The following NCKAP5 variants were observed in gnomAD, a reference collection of about 807,000 sequenced individuals.
NCKAP5 encodes the protein NCK associated protein 5.
In NCKAP5, 92 loss-of-function variants were observed where a neutral mutation model predicts 167.0. That is an observed-to-expected ratio of 0.55 (90% confidence interval 0.47 to 0.66). NCKAP5 has a LOEUF of 0.66. Ranked by LOEUF, NCKAP5 falls within the 30% of genes least tolerant of loss-of-function variation. The probability of loss-of-function intolerance (pLI) is 0.00; values close to 1 mark genes in which losing one functional copy is unlikely to be tolerated. For synonymous variants in NCKAP5, 891 were observed against 877.4 expected (o/e 1.02, Z -0.27); for missense variants, 2,378 against 2,315.0 (o/e 1.03, Z -0.56).
At chr2:133,239,277 C>A (rs1038098523) in intron 4 of NCKAP5, among the ~76,000 whole-genome samples, 15 of 152,160 alleles carry the variant, frequency 9.9e-5, no homozygotes, top group African/African-American at 3.6e-4. Context: ...CCCACTAATA[C>A]AATTTCAGTG....
intron 8 of NCKAP5, among the ~76,000 whole-genome samples, chr2:132,924,169 G>T (rs1695664672): frequency 6.6e-6 from 1 of 152,154 alleles, no homozygotes; most frequent in Admixed American, 6.5e-5. Context: ...AAAATGCTAT[G>T]CTACAGAAGA....
At position 133,514,550 on chromosome 2, in the gene NCKAP5, TA is replaced by T. The variant is rs373597183; in HGVS notation, c.69+2907del. On this transcript the variant is annotated intron_variant, in intron 3 of 19. Coordinates refer to ENST00000409261, the MANE Select transcript of NCKAP5 (RefSeq NM_207363.3). Reference sequence around the variant, plus strand: ...ACTTCAATGATTTGATTATATAAAATAAAAAGTGTAATGAAGTTAATAGCAC... The same window carrying T: ...ACTTCAATGATTTGATTATATAAAATAAAAGTGTAATGAAGTTAATAGCAC... Among the ~76,000 whole-genome samples, 522 of 152,278 alleles carry T rather than the reference TA, an allele frequency of 3.4e-3. 1 individual carries two copies. Among genetic ancestry groups the T allele is most frequent in the African/African-American group, 0.012 (490 of 41,554 alleles).
At chr2:132,786,687 C>T (rs974447085) in intron 13 of NCKAP5, among the ~76,000 whole-genome samples, 1 of 152,108 alleles carries the variant, frequency 6.6e-6, no homozygotes, top group African/African-American at 2.4e-5. Context: ...TTTACTGAGC[C>T]TCTGCTGTAC....
chr2:133,158,341 A>C (rs2083654224), intron 5 of NCKAP5, among the ~76,000 whole-genome samples: 1 of 152,204 alleles, frequency 6.6e-6, no homozygotes, highest in South Asian at 2.1e-4. Context: ...TGTTAGGGGA[A>C]ATCCAAGATA....
intron 3 of NCKAP5, among the ~76,000 whole-genome samples, chr2:133,512,115 AC>A (rs1403667886): frequency 6.6e-6 from 1 of 152,166 alleles, no homozygotes; most frequent in African/African-American, 2.4e-5. Context: ...AGTATTCATA[AC>A]CCACTAGCTG....
intron 6 of NCKAP5, among the ~76,000 whole-genome samples, chr2:133,005,366 G>T (rs541004122): frequency 2.4e-4 from 36 of 152,082 alleles, no homozygotes; most frequent in Non-Finnish European, 4.3e-4. Flanking sequence ...TGCTTCAGCT[G>T]GTCCCTCCAT....
intron 6 of NCKAP5, among the ~76,000 whole-genome samples, chr2:133,115,458 C>A (rs1240051923): frequency 6.6e-6 from 1 of 152,082 alleles, no homozygotes; most frequent in Non-Finnish European, 1.5e-5. Context: ...TGCCATCAAT[C>A]ACAATTGCAG....
At chr2:133,330,244 AT>A (rs765058418) in intron 3 of NCKAP5, among the ~76,000 whole-genome samples, 3,171 of 88,088 alleles carry the variant, frequency 0.036, 119 homozygotes, top group African/African-American at 0.12. Flanking sequence ...TATTTTTTGT[AT>A]TTTTTTTTTT....
chr2:133,137,857 G>T (rs950838743), intron 5 of NCKAP5, among the ~76,000 whole-genome samples: 1 of 152,210 alleles, frequency 6.6e-6, no homozygotes, highest in Admixed American at 6.5e-5. Flanking sequence ...TCCTTGGCCA[G>T]TTGCCATGAG....
the NCKAP5 span, among the ~76,000 whole-genome samples, chr2:133,617,103 C>A: frequency 2.6e-5 from 4 of 152,246 alleles, no homozygotes; most frequent in Admixed American, 6.5e-5. Flanking sequence ...AATTCAACAG[C>A]CCTTCATGCT....
chr2:133,242,270 A>C (rs1346269304), intron 4 of NCKAP5, among the ~76,000 whole-genome samples: 1 of 137,984 alleles, frequency 7.2e-6, no homozygotes, highest in Admixed American at 6.9e-5. Context: ...TTTTTTTTTT[A>C]ACTGAGAGAA....
intron 3 of NCKAP5, among the ~76,000 whole-genome samples, chr2:133,397,788 T>C (rs1687825450): frequency 6.6e-6 from 1 of 152,208 alleles, no homozygotes; most frequent in Admixed American, 6.5e-5. Flanking sequence ...AAGGAGTGTT[T>C]TATCTAATTT....
intron 3 of NCKAP5, among the ~76,000 whole-genome samples, chr2:133,349,939 G>A (rs1212086281): frequency 6.6e-6 from 1 of 152,074 alleles, no homozygotes; most frequent in African/African-American, 2.4e-5. Context: ...ATAATTTTAG[G>A]CTCACAAGAA....
chr2:132,973,524 T>C (rs1270505307), intron 7 of NCKAP5, among the ~76,000 whole-genome samples: 2 of 152,170 alleles, frequency 1.3e-5, no homozygotes, highest in African/African-American at 4.8e-5. Flanking sequence ...AGGTCTCTTC[T>C]CACTTTAAAT....
Position 132,868,992 on chromosome 2 carries a change from A to C in NCKAP5, c.649-18T>G. Reference sequence around the variant, plus strand: ...TTGGCTACCTTTAAAAAATAAAGAAAAAGTTGTCATTTATAATAATGAGAC... The same window carrying C: ...TTGGCTACCTTTAAAAAATAAAGAACAAGTTGTCATTTATAATAATGAGAC... On this transcript the variant is annotated intron_variant, in intron 9 of 19. Transcript: ENST00000409261. 1.3e-6 allele frequency: 2 copies of C among 1,523,442 alleles called. No individual in the cohort carries two copies. The highest frequency in any genetic ancestry group is 1.8e-6 in the Non-Finnish European group (2 of 1,132,944). The allele number at this position is 1,523,442 out of a possible 1,614,324, so 94.4% of individuals were successfully genotyped here.
intron 3 of NCKAP5, among the ~76,000 whole-genome samples, chr2:133,312,694 C>T (rs1681330860): frequency 6.6e-6 from 1 of 152,142 alleles, no homozygotes; most frequent in South Asian, 2.1e-4. Context: ...TTTCTACCTC[C>T]CTTTGGCCTA....
At chr2:132,764,529 T>C (rs1011844080) in intron 16 of NCKAP5, among the ~76,000 whole-genome samples, 5 of 152,200 alleles carry the variant, frequency 3.3e-5, no homozygotes, top group Non-Finnish European at 2.9e-5. Context: ...TGTTATTTTG[T>C]ATGTCTGAAA....
intron 16 of NCKAP5, among the ~76,000 whole-genome samples, chr2:132,745,638 T>G (rs1460872106): frequency 6.6e-6 from 1 of 151,936 alleles, no homozygotes; most frequent in Non-Finnish European, 1.5e-5. Context: ...GGCATAGAGA[T>G]TAGAAAGAAT....
intron 17 of NCKAP5, 42 bp downstream of exon 17, chr2:132,731,695 G>T (rs769408813): frequency 4.0e-6 from 6 of 1,509,180 alleles, no homozygotes; most frequent in Admixed American, 4.6e-5. Flanking sequence ...CCTTTTTTTT[G>T]TCAGCAAATG....
Sources: gnomAD v4.1 joint callset for allele counts (sites outside exome capture counted in the v4.1 genomes callset) on GRCh38, gnomAD v4.1.1 for gene constraint, MANE v1.5 for transcripts, NCBI Gene and HGNC (gene_info 2026-07-23, HGNC 2026-07-21) for gene names.